The following HTR4 variants were observed in gnomAD, a reference collection of about 807,000 sequenced individuals.
HTR4 encodes the protein 5-hydroxytryptamine receptor 4, also known as 5-hydroxytryptamine (serotonin) receptor 4, G protein-coupled.
In HTR4, 16 loss-of-function variants were observed where a neutral mutation model predicts 36.8. That is an observed-to-expected ratio of 0.43 (90% CI 0.29 to 0.66). The LOEUF (loss-of-function observed/expected upper bound fraction) is 0.66, where lower values mean the gene tolerates loss of function less well. Ranked by LOEUF, HTR4 falls within the 30% of genes least tolerant of loss-of-function variation. The probability of loss-of-function intolerance (pLI) is 0.13; values close to 1 mark genes in which losing one functional copy is unlikely to be tolerated. For synonymous variants in HTR4, 189 were observed against 185.1 expected, an observed-to-expected ratio of 1.02 and a Z score of -0.17; for missense variants, 438 against 490.9, an observed-to-expected ratio of 0.89 and a Z score of 1.02.
At chr5:148,514,450 G>A (rs1757638300) in intron 5 of HTR4, among the ~76,000 whole-genome samples, 1 of 152,044 alleles carries the variant, frequency 6.6e-6, no homozygotes, top group South Asian at 2.1e-4. Context: ...ACTGGACCCT[G>A]TGACACACTA....
intron 5 of HTR4, among the ~76,000 whole-genome samples, chr5:148,521,376 A>T (rs28414739): frequency 6.6e-6 from 1 of 152,074 alleles, no homozygotes; most frequent in Non-Finnish European, 1.5e-5. Context: ...GCCTTTCCCA[A>T]TGCAGGTGAA....
At chr5:148,458,887 G>A (rs562358892) in intron 5 of HTR4, among the ~76,000 whole-genome samples, 2 of 152,188 alleles carry the variant, frequency 1.3e-5, no homozygotes, top group Non-Finnish European at 2.9e-5. Context: ...GTGGTGTGTT[G>A]AATGGACTAG....
At chr5:148,640,177 C>T (rs545749400) in intron 1 of HTR4, among the ~76,000 whole-genome samples, 1 of 152,276 alleles carries the variant, frequency 6.6e-6, no homozygotes, top group Admixed American at 6.5e-5. Flanking sequence ...ATTATACGTC[C>T]TCCCACTGGA....
chr5:148,623,649 AT>A (rs1164022596), intron 2 of HTR4, among the ~76,000 whole-genome samples: 3 of 152,144 alleles, frequency 2.0e-5, no homozygotes, highest in Non-Finnish European at 1.5e-5. Context: ...CAGGACAGGA[AT>A]TTTCAAGCCC....
chr5:148,469,793 A>T (rs1333005169), intron 5 of HTR4, among the ~76,000 whole-genome samples: 1 of 152,232 alleles, frequency 6.6e-6, no homozygotes, highest in African/African-American at 2.4e-5. Context: ...GGAGAAAACT[A>T]ACAAACAACA....
chr5:148,646,802 C>T (rs1240333154), intron 1 of HTR4, among the ~76,000 whole-genome samples: 2 of 152,132 alleles, frequency 1.3e-5, no homozygotes, highest in African/African-American at 4.8e-5. Flanking sequence ...TGCAATTATT[C>T]TCATTTCACA....
At chr5:148,560,760 T>C (rs932588773) in intron 2 of HTR4, among the ~76,000 whole-genome samples, 1 of 152,194 alleles carries the variant, frequency 6.6e-6, no homozygotes, top group Non-Finnish European at 1.5e-5. Flanking sequence ...ATTTTGTAAC[T>C]ATTAAGTGGT....
At chr5:148,529,084 C>T (rs115149661) in intron 4 of HTR4, among the ~76,000 whole-genome samples, 2,305 of 152,066 alleles carry the variant, frequency 0.015, 23 homozygotes, top group Middle Eastern at 0.048. Flanking sequence ...TTTGCCCAGT[C>T]TCACAGGTGG....
chr5:148,564,078 A>G (rs1473586284), intron 2 of HTR4, among the ~76,000 whole-genome samples: 55 of 152,298 alleles, frequency 3.6e-4, no homozygotes. Context: ...AAAATCTTAT[A>G]ATGTCTTCCC....
intron 1 of HTR4, among the ~76,000 whole-genome samples, chr5:148,653,690 C>A (rs1005889170): frequency 5.9e-5 from 9 of 152,090 alleles, no homozygotes; most frequent in Non-Finnish European, 1.2e-4. Flanking sequence ...CATCCAGTTA[C>A]ACACTTGGCT....
At chr5:148,510,669 T>C (rs928077360) in intron 5 of HTR4, among the ~76,000 whole-genome samples, 3 of 152,268 alleles carry the variant, frequency 2.0e-5, no homozygotes, top group African/African-American at 7.2e-5. Context: ...AGCTCATTAA[T>C]ATTTGAGAAC....
rs1236114090 is a variant in HTR4, at chr5:148,637,058, G to C, written c.-44C>G. ...GTGAGTTGGATTTCAATGCCCACAG[G>C]GTCCTAAAATGGGGGAAGTAAAAAG... On this transcript the variant is annotated 5_prime_UTR_variant, in exon 2 of 7. Transcript: ENST00000377888. The C allele has an allele frequency of 4.4e-6, 7 of 1,602,834 alleles. No homozygotes were observed. The highest frequency in any genetic ancestry group is 6.0e-6 in the Non-Finnish European group (7 of 1,171,294).
intron 5 of HTR4, among the ~76,000 whole-genome samples, chr5:148,457,184 AT>A (rs1755120769): frequency 6.6e-6 from 1 of 152,200 alleles, no homozygotes; most frequent in Non-Finnish European, 1.5e-5. Context: ...TCCCTGTTCC[AT>A]TTGGTGCGAG....
At chr5:148,627,924 A>C (rs888784590) in intron 2 of HTR4, among the ~76,000 whole-genome samples, 1 of 152,212 alleles carries the variant, frequency 6.6e-6, no homozygotes, top group Non-Finnish European at 1.5e-5. Context: ...GTAAGTGATA[A>C]GGTGGAAAGC....
intron 4 of HTR4, 83 bp from the exon 5 acceptor site, chr5:148,523,429 AG>A (rs1217261366): frequency 8.5e-7 from 1 of 1,170,798 alleles, no homozygotes. Flanking sequence ...GAGAGAGAAA[AG>A]GGGAGGAAGA....
chr5:148,614,869 AG>A (rs1304674848), intron 2 of HTR4, among the ~76,000 whole-genome samples: 1 of 152,266 alleles, frequency 6.6e-6, no homozygotes, highest in Non-Finnish European at 1.5e-5. Flanking sequence ...AAGTGGGCAA[AG>A]GACATGAACA....
intron 6 of HTR4, among the ~76,000 whole-genome samples, chr5:148,505,430 A>C (rs1757146968): frequency 6.6e-6 from 1 of 152,224 alleles, no homozygotes. Flanking sequence ...TGAATGGGCA[A>C]AAACTGGAAG....
intron 6 of HTR4, among the ~76,000 whole-genome samples, chr5:148,496,596 T>C (rs1319345547): frequency 6.6e-6 from 1 of 152,160 alleles, no homozygotes; most frequent in Non-Finnish European, 1.5e-5. Context: ...GAACGAGGGT[T>C]AGTGAGTAGA....
At chr5:148,581,997 T>C (rs1193218837) in intron 2 of HTR4, among the ~76,000 whole-genome samples, 1 of 152,136 alleles carries the variant, frequency 6.6e-6, no homozygotes, top group Admixed American at 6.6e-5. Flanking sequence ...ATCTAATTTC[T>C]TTCATCAGTA....
Sources: allele counts gnomAD v4.1 joint callset (sites outside exome capture counted in the v4.1 genomes callset), GRCh38; gene constraint gnomAD v4.1.1; transcripts MANE v1.5; gene names NCBI Gene and HGNC (gene_info 2026-07-23, HGNC 2026-07-21).